UBR2: variants seen among roughly 807,000 people sequenced by gnomAD.
UBR2 encodes the protein E3 ubiquitin-protein ligase UBR2.
In UBR2, 92 loss-of-function variants were observed where a neutral mutation model predicts 247.9. The observed-to-expected ratio is 0.37, with a 90% CI of 0.31 to 0.44. The LOEUF (loss-of-function observed/expected upper bound fraction) is 0.44, where lower values mean the gene tolerates loss of function less well. Among genes scored for constraint, UBR2 ranks in the 20% least tolerant of loss-of-function variants. The probability of loss-of-function intolerance (pLI) is 1.00; values close to 1 mark genes in which losing one functional copy is unlikely to be tolerated. For missense variants in UBR2, 1,613 were observed against 2,112.6 expected, an observed-to-expected ratio of 0.76 and a Z score of 4.64; for synonymous variants, 672 against 693.5, an observed-to-expected ratio of 0.97 and a Z score of 0.49.
chr6:42,690,723 A>G (rs1478621502), intron 46 of UBR2, among the ~76,000 whole-genome samples: 1 of 152,090 alleles, frequency 6.6e-6, no homozygotes, highest in African/African-American at 2.4e-5. Context: ...TGGGCAATGA[A>G]TTGGTAGTTT....
rs561428278 is a variant in UBR2, at chr6:42,666,252, A to G, written c.3881+7A>G. 22 of 1,598,404 alleles carry G rather than the reference A, an allele frequency of 1.4e-5. No homozygotes were observed. In the South Asian group the frequency reaches 2.3e-4, roughly 16 times the overall value. On this transcript the variant is annotated splice_region_variant and intron_variant, in intron 34 of 46. Coordinates refer to ENST00000372901, the MANE Select transcript of UBR2 (RefSeq NM_001363705.2). ...GGCCTGATTTTCGTCCTAAGTGAGT[A>G]TATTATTTTACTCCTTTAATATTTG...
At chr6:42,588,868 C>T (rs774375149) in intron 2 of UBR2, among the ~76,000 whole-genome samples, 34 of 152,150 alleles carry the variant, frequency 2.2e-4, no homozygotes, top group Admixed American at 3.9e-4. Flanking sequence ...TCAGATTTCT[C>T]GCCATTAAGT....
chr6:42,570,821 C>G (rs1791078062), intron 1 of UBR2, among the ~76,000 whole-genome samples: 1 of 151,584 alleles, frequency 6.6e-6, no homozygotes, highest in African/African-American at 2.4e-5. Flanking sequence ...GTAGCTGGGA[C>G]TACAGGCATG....
At chr6:42,588,221 G>C (rs1792419334) in intron 2 of UBR2, among the ~76,000 whole-genome samples, 1 of 152,180 alleles carries the variant, frequency 6.6e-6, no homozygotes, top group Non-Finnish European at 1.5e-5. Context: ...TATTATAAAG[G>C]ATACAGAAGA....
chr6:42,641,335 A>T (rs1434270045), intron 16 of UBR2, among the ~76,000 whole-genome samples: 2 of 151,952 alleles, frequency 1.3e-5, no homozygotes, highest in African/African-American at 4.8e-5. Flanking sequence ...GTGTTGGCTT[A>T]TGCCTGTACT....
Position 42,676,857 on chromosome 6 carries a change from C to G in UBR2, c.4462C>G (p.His1488Asp). The G allele has an allele frequency of 6.2e-7, 1 of 1,613,558 alleles. No homozygotes were observed. The highest frequency in any genetic ancestry group is 8.5e-7 in the Non-Finnish European group (1 of 1,179,628). ...AGTTCTTGCTTTGTATAAAACACTT[C>G]ACCAGTATACGGGAAGGTGAGTTAG... Reference protein sequence around the residue: ...SAVLALYKTLHQYTGSALKEI... With the variant: ...SAVLALYKTLDQYTGSALKEI... The change falls in exon 40 of 47, where the codon CAC (histidine) becomes GAC (aspartate). Residue 1488 changes from histidine (H) to aspartate (D), a missense_variant. By Grantham distance (81) the His-to-Asp change is moderately conservative. This residue lies in a region of UBR2 where 1,524 missense variants were observed against 1,967.3 expected (regional missense o/e 0.77). Transcript: ENST00000372901.
chr6:42,668,826 C>T (rs1282999141), intron 34 of UBR2, among the ~76,000 whole-genome samples: 1 of 152,198 alleles, frequency 6.6e-6, no homozygotes, highest in African/African-American at 2.4e-5. Context: ...CCTCCCGCCT[C>T]AGCCTCCTGA....
At chr6:42,685,543 C>A (rs1327729245) in intron 44 of UBR2, among the ~76,000 whole-genome samples, 1 of 150,842 alleles carries the variant, frequency 6.6e-6, no homozygotes. Context: ...TGGCTCGCTG[C>A]AACCTCCGCC....
At chr6:42,688,148 G>GT (rs1377617422) in intron 44 of UBR2, 68 bp from the exon 45 acceptor site, 18 of 1,603,550 alleles carry the variant, frequency 1.1e-5, no homozygotes, top group Non-Finnish European at 1.5e-5. Context: ...TTCTGGGCTG[G>GT]TTTTTTCATC....
chr6:42,660,273 A>G (rs1424567359), intron 30 of UBR2, among the ~76,000 whole-genome samples: 1 of 152,120 alleles, frequency 6.6e-6, no homozygotes, highest in African/African-American at 2.4e-5. Flanking sequence ...CCTTGAGCCA[A>G]ATTGTTTTAG....
intron 1 of UBR2, among the ~76,000 whole-genome samples, chr6:42,568,546 G>A (rs909777695): frequency 6.6e-6 from 1 of 152,040 alleles, no homozygotes; most frequent in East Asian, 1.9e-4. Flanking sequence ...TGGCTAACAC[G>A]GTGAAACTCC....
At chr6:42,686,218 T>A (rs1043071739) in intron 44 of UBR2, among the ~76,000 whole-genome samples, 4 of 151,698 alleles carry the variant, frequency 2.6e-5, no homozygotes, top group African/African-American at 9.7e-5. Context: ...TAGGCAGAGG[T>A]CCCTGCGGCC....
chr6:42,584,980 C>T (rs1187208285), intron 2 of UBR2, among the ~76,000 whole-genome samples: 1 of 151,964 alleles, frequency 6.6e-6, no homozygotes, highest in Non-Finnish European at 1.5e-5. Context: ...TTTTGCCTTT[C>T]TTGTGCTCCA....
chr6:42,671,988 G>A (rs1337430408), intron 36 of UBR2, among the ~76,000 whole-genome samples: 1 of 151,820 alleles, frequency 6.6e-6, no homozygotes, highest in African/African-American at 2.4e-5. Flanking sequence ...TATAGTCCCT[G>A]TTTTAGTTAA....
chr6:42,626,564 G>A (rs1795361174), intron 11 of UBR2, among the ~76,000 whole-genome samples: 2 of 152,170 alleles, frequency 1.3e-5, no homozygotes, highest in African/African-American at 4.8e-5. Flanking sequence ...CTCTTCAGCT[G>A]ATAGAGTGAG....
At chr6:42,596,826 G>A (rs907497081) in intron 4 of UBR2, among the ~76,000 whole-genome samples, 3 of 152,174 alleles carry the variant, frequency 2.0e-5, no homozygotes, top group Non-Finnish European at 4.4e-5. Context: ...AGGGGCTGGG[G>A]AAGAGGAAAA....
intron 4 of UBR2, among the ~76,000 whole-genome samples, 185 bp from the exon 5 acceptor site, chr6:42,603,403 A>G (rs1271961913): frequency 1.3e-5 from 2 of 152,212 alleles, no homozygotes; most frequent in African/African-American, 4.8e-5. Context: ...TTCTGAACTA[A>G]AAATTTTAAG....
intron 10 of UBR2, chr6:42,617,163 C>T: frequency 1.5e-6 from 2 of 1,330,210 alleles, no homozygotes; most frequent in Non-Finnish European, 2.2e-6. Context: ...TGACTTCCTC[C>T]AGCACTGACT....
intron 42 of UBR2, among the ~76,000 whole-genome samples, chr6:42,682,276 TGAGTACA>T (rs1799103937): frequency 6.6e-6 from 1 of 152,100 alleles, no homozygotes; most frequent in South Asian, 2.1e-4. Context: ...TTGCATTTAA[TGAGTACA>T]GAGTTTCAGT....
Sources: allele counts gnomAD v4.1 joint callset (sites outside exome capture counted in the v4.1 genomes callset), GRCh38; gene constraint gnomAD v4.1.1; regional missense constraint gnomAD v4.1.1; transcripts MANE v1.5; gene names NCBI Gene and HGNC (gene_info 2026-07-23, HGNC 2026-07-21).